Variants in SLC18A2 observed in about 807,000 individuals in gnomAD.
The protein encoded by SLC18A2 is solute carrier family 18 member A2.
SLC18A2 carries 33 observed loss-of-function variants against 59.2 expected under a neutral mutation model. The observed-to-expected ratio is 0.56, with a 90% CI of 0.42 to 0.75. The LOEUF is 0.75. Ranked by LOEUF, SLC18A2 falls within the 30% of genes least tolerant of loss-of-function variation. The pLI is 0.00. For missense variants in SLC18A2, 569 were observed against 668.6 expected, an observed-to-expected ratio of 0.85 and a Z score of 1.64; for synonymous variants, 228 against 253.5, an observed-to-expected ratio of 0.90 and a Z score of 0.95.
At chr10:117,258,918 C>T (rs73389862) in intron 10 of SLC18A2, among the ~76,000 whole-genome samples, 1,574 of 152,224 alleles carry the variant, frequency 0.01, 29 homozygotes, top group African/African-American at 0.033. Flanking sequence ...AGGCACGTGC[C>T]ACCACACCTG....
At chr10:117,254,326 G>A in intron 5 of SLC18A2, 79 bp from the exon 6 acceptor site, 3 of 1,305,280 alleles carry the variant, frequency 2.3e-6, no homozygotes, top group Admixed American at 2.0e-5. Flanking sequence ...AAGGCTGGCT[G>A]GAGAGGGAAG....
At chr10:117,265,718 G>A (rs1401127060) in intron 10 of SLC18A2, among the ~76,000 whole-genome samples, 1 of 152,052 alleles carries the variant, frequency 6.6e-6, no homozygotes, top group African/African-American at 2.4e-5. Flanking sequence ...GGCCACTGCT[G>A]CCACCACCAG....
intron 5 of SLC18A2, 63 bp downstream of exon 5, chr10:117,254,194 C>A: frequency 6.7e-7 from 1 of 1,496,578 alleles, no homozygotes; most frequent in Non-Finnish European, 9.3e-7. Context: ...TGGACTCATT[C>A]AGGGAATTCA....
In SLC18A2 at chr10:117,255,516, G is replaced by A. The variant is rs1471425107; in HGVS notation, c.828G>A (p.Gln276=). ...TTGTGCTCCAGCCGTCCCGGGTGCA[G>A]CCAGAGGTAAGCGGCTGGGAATGAG... ...QLFVLQPSRV[Q]PESQKGTPLT... Residue 276 remains glutamine (Q), a synonymous_variant, in exon 8 of 16, where the codon CAG becomes CAA. Transcript: ENST00000644641. 6.2e-7 allele frequency: 1 copy of A among 1,614,116 alleles called. No individual in the cohort carries two copies. The highest frequency in any genetic ancestry group is 1.7e-5 in the Admixed American group (1 of 60,028).
intron 15 of SLC18A2, among the ~76,000 whole-genome samples, chr10:117,276,320 T>C (rs1589988316): frequency 6.6e-6 from 1 of 151,856 alleles, no homozygotes; most frequent in African/African-American, 2.4e-5. Context: ...CCTGTGAAGA[T>C]ATCAGAACTG....
intron 13 of SLC18A2, 185 bp downstream of exon 13, chr10:117,267,921 G>C: frequency 2.1e-6 from 1 of 472,768 alleles, no homozygotes; most frequent in Non-Finnish European, 3.9e-6. Context: ...CTATGCACTA[G>C]TCATTTATTT....
chr10:117,272,239 C>T (rs1844436204), intron 15 of SLC18A2, among the ~76,000 whole-genome samples: 1 of 152,226 alleles, frequency 6.6e-6, no homozygotes, highest in African/African-American at 2.4e-5. Flanking sequence ...ATCTAACTCT[C>T]TGGCTTCCCC....
At chr10:117,265,294 C>A (rs976055857) in intron 10 of SLC18A2, among the ~76,000 whole-genome samples, 1 of 152,128 alleles carries the variant, frequency 6.6e-6, no homozygotes, top group Admixed American at 6.5e-5. Context: ...GGTAGACGTT[C>A]GTGCTTTATC....
At position 117,279,136 on chromosome 10, in the gene SLC18A2, T is replaced by G. The variant is rs1844542287; in HGVS notation, c.*1870T>G. 1 of 152,206 alleles carries G rather than the reference T, an allele frequency of 6.6e-6. No homozygotes were observed. The highest frequency in any genetic ancestry group is 2.4e-5 in the African/African-American group (1 of 41,452). The allele number at this position is 152,206 out of a possible 1,614,324, so 9.4% of individuals were successfully genotyped here. Reference sequence around the variant, plus strand: ...ATATAAATAAAACCTTCAGAACTGTTTTGGAGCAAAAGATAGCTTGTACTT... The same window carrying G: ...ATATAAATAAAACCTTCAGAACTGTGTTGGAGCAAAAGATAGCTTGTACTT... On this transcript the variant is annotated 3_prime_UTR_variant, in exon 16 of 16. Transcript: ENST00000644641.
At chr10:117,258,716 C>G (rs1244525634) in intron 10 of SLC18A2, among the ~76,000 whole-genome samples, 2 of 151,334 alleles carry the variant, frequency 1.3e-5, no homozygotes, top group African/African-American at 4.9e-5. Flanking sequence ...TTAGATCTTT[C>G]TTCTGCTGAT....
intron 3 of SLC18A2, among the ~76,000 whole-genome samples, chr10:117,250,714 C>A (rs557492795): frequency 6.6e-6 from 1 of 152,226 alleles, no homozygotes; most frequent in African/African-American, 2.4e-5. Context: ...CCTCCCCGAG[C>A]CTCAGTGTTG....
Position 117,277,182 on chromosome 10 carries a change from C to T in SLC18A2, c.1461C>T (p.Asn487=), listed in dbSNP as rs771723169. Reference sequence around the variant, plus strand: ...TTTAGGCTATTCTCATGGATCACAACTGCCCTATTAAAACAAAAATGTACA... The same window carrying T: ...TTTAGGCTATTCTCATGGATCACAATTGCCCTATTAAAACAAAAATGTACA... ...EEKMAILMDH[N]CPIKTKMYTQ... The change falls in exon 16 of 16, where the codon AAC becomes AAT. Residue 487 remains asparagine, a synonymous_variant. Coordinates refer to ENST00000644641, the MANE Select transcript of SLC18A2 (RefSeq NM_003054.6). 1 of 1,603,630 alleles carries T rather than the reference C, an allele frequency of 6.2e-7. No individual in the cohort carries two copies. Among genetic ancestry groups the T allele is most frequent in the Admixed American group, 1.7e-5 (1 of 59,842 alleles).
chr10:117,261,765 G>A (rs1844296577), intron 10 of SLC18A2, among the ~76,000 whole-genome samples: 1 of 152,166 alleles, frequency 6.6e-6, no homozygotes, highest in East Asian at 1.9e-4. Flanking sequence ...CCGGGGGAGA[G>A]GGGGTAAGGA....
At chr10:117,244,846 G>A (rs1350498098) in intron 3 of SLC18A2, among the ~76,000 whole-genome samples, 2 of 152,218 alleles carry the variant, frequency 1.3e-5, no homozygotes, top group African/African-American at 2.4e-5. Flanking sequence ...AGTTGATGCC[G>A]AGGTCATGGG....
chr10:117,270,155 T>C lies in SLC18A2; in HGVS notation c.1271T>C (p.Ile424Thr). 1.2e-6 allele frequency: 2 copies of C among 1,614,248 alleles called. No individual in the cohort carries two copies. Among genetic ancestry groups the C allele is most frequent in the Non-Finnish European group, 1.7e-6 (2 of 1,180,032 alleles). ...HVSVYGSVYA[I>T]ADVAFCMGYA... ...TCCGTCTATGGGAGTGTGTACGCCA[T>C]TGCGGATGTGGCATTTTGTATGGGG... Residue 424 changes from isoleucine (I) to threonine (T), a missense_variant, in exon 14 of 16, where the codon ATT (isoleucine) becomes ACT (threonine). By Grantham distance (89) the Ile-to-Thr change is moderately conservative. Around this residue, in one of 2 missense-constraint regions of SLC18A2, gnomAD observed 192 missense variants for 278.8 expected, o/e 0.69. Transcript: ENST00000644641.
intron 10 of SLC18A2, among the ~76,000 whole-genome samples, chr10:117,261,297 T>C: frequency 6.6e-6 from 1 of 151,960 alleles, no homozygotes; most frequent in African/African-American, 2.4e-5. Context: ...ACTCGGGAGA[T>C]TGAGGTGGGA....
intron 3 of SLC18A2, among the ~76,000 whole-genome samples, chr10:117,249,030 G>C (rs965953037): frequency 6.6e-6 from 1 of 152,198 alleles, no homozygotes; most frequent in African/African-American, 2.4e-5. Flanking sequence ...AAGCCACAGG[G>C]CATGAAATCT....
At chr10:117,242,266 T>C (rs891299096) in intron 2 of SLC18A2, among the ~76,000 whole-genome samples, 24 of 152,228 alleles carry the variant, frequency 1.6e-4, no homozygotes, top group African/African-American at 5.8e-4. Flanking sequence ...TTAGATATAC[T>C]GTATTAGTGA....
chr10:117,263,699 A>T (rs1230019003), intron 10 of SLC18A2, among the ~76,000 whole-genome samples: 1 of 152,060 alleles, frequency 6.6e-6, no homozygotes, highest in Non-Finnish European at 1.5e-5. Context: ...AGACTTAGGG[A>T]CTTACAGTTT....
Sources: gnomAD v4.1 joint callset for allele counts (sites outside exome capture counted in the v4.1 genomes callset) on GRCh38, gnomAD v4.1.1 for gene constraint, gnomAD v4.1.1 regional missense constraint, MANE v1.5 for transcripts, NCBI Gene and HGNC (gene_info 2026-07-23, HGNC 2026-07-21) for gene names.